NRXN1: variants seen among roughly 807,000 people sequenced by gnomAD.
The protein encoded by NRXN1 is neurexin 1, also known as neurexin-1.
A neutral mutation model predicts 150.9 loss-of-function variants in NRXN1; 39 were observed. The observed-to-expected ratio is 0.26, with a 90% CI of 0.20 to 0.34. The LOEUF is 0.34. Ranked by LOEUF, NRXN1 falls within the 10% of genes least tolerant of loss-of-function variation. The probability of loss-of-function intolerance (pLI) is 1.00; values close to 1 mark genes in which losing one functional copy is unlikely to be tolerated. For synonymous variants in NRXN1, 924 were observed against 757.0 expected, an observed-to-expected ratio of 1.22 and a Z score of -3.62; for missense variants, 1,815 against 1,949.9, an observed-to-expected ratio of 0.93 and a Z score of 1.30.
chr2:49,920,996 T>C lies in NRXN1; in HGVS notation c.*948A>G, dbSNP rs945972641. On this transcript the variant is annotated 3_prime_UTR_variant, in exon 23 of 23. Coordinates refer to ENST00000401669, the MANE Select transcript of NRXN1 (RefSeq NM_001330078.2). The stretch of plus-strand genomic sequence containing the variant: ...TAAAAGTAATTGTGGCAATTTATAA[T>C]GGTGGCAAAAAAAAAGAAAAACCCA... 2 of 151,822 alleles carry C rather than the reference T, an allele frequency of 1.3e-5. No homozygotes were observed. The highest frequency in any genetic ancestry group is 2.4e-5 in the African/African-American group (1 of 41,146). 9.4% of individuals were successfully genotyped at this position (151,822 alleles called of 1,614,324 possible).
intron 5 of NRXN1, among the ~76,000 whole-genome samples, chr2:50,803,082 T>C (rs1344714002): frequency 1.3e-5 from 2 of 152,188 alleles, no homozygotes; most frequent in Non-Finnish European, 2.9e-5. Context: ...CTTTTTCCAG[T>C]ATTAACAGTA....
At chr2:50,563,704 T>C (rs1190052498) in intron 8 of NRXN1, among the ~76,000 whole-genome samples, 1 of 152,180 alleles carries the variant, frequency 6.6e-6, no homozygotes, top group Non-Finnish European at 1.5e-5. Flanking sequence ...ATGGACTGTT[T>C]AATTTATTGG....
intron 17 of NRXN1, among the ~76,000 whole-genome samples, chr2:50,276,228 C>T (rs2070445151): frequency 6.6e-6 from 1 of 151,918 alleles, no homozygotes; most frequent in Non-Finnish European, 1.5e-5. Flanking sequence ...GAATCCTTCA[C>T]CTTATCAAAA....
chr2:50,606,632 A>ATAATAATAAT (rs1553875310), intron 8 of NRXN1, among the ~76,000 whole-genome samples: 2 of 145,328 alleles, frequency 1.4e-5, no homozygotes, highest in Admixed American at 6.9e-5. Flanking sequence ...AATAATAATA[A>ATAATAATAAT]AATAAAACTT....
At chr2:50,253,670 CA>C in intron 17 of NRXN1, among the ~76,000 whole-genome samples, 1 of 152,114 alleles carries the variant, frequency 6.6e-6, no homozygotes, top group South Asian at 2.1e-4. Context: ...TTGAGATAAT[CA>C]CATAGTTTTT....
At chr2:49,995,780 C>CAAAAA (rs1163315598) in intron 21 of NRXN1, among the ~76,000 whole-genome samples, 1,743 of 36,288 alleles carry the variant, frequency 0.048, 154 homozygotes, top group Non-Finnish European at 0.069. Flanking sequence ...GACTCCGTCT[C>CAAAAA]AAAAAAAAAA....
chr2:50,243,605 CAT>C (rs2066232572), intron 17 of NRXN1, among the ~76,000 whole-genome samples: 1 of 151,802 alleles, frequency 6.6e-6, no homozygotes, highest in South Asian at 2.1e-4. Context: ...AAACACCAAT[CAT>C]AAATTTGGTT....
At chr2:50,709,022 C>G (rs1257087044) in intron 5 of NRXN1, among the ~76,000 whole-genome samples, 1 of 152,082 alleles carries the variant, frequency 6.6e-6, no homozygotes, top group Non-Finnish European at 1.5e-5. Flanking sequence ...CAGGGACTGT[C>G]CTCTGTTCAT....
chr2:50,050,119 A>T (rs1217969698), intron 21 of NRXN1, among the ~76,000 whole-genome samples: 1 of 150,628 alleles, frequency 6.6e-6, no homozygotes, highest in Non-Finnish European at 1.5e-5. Context: ...CCTAAAGTAA[A>T]CATTGGGCTG....
Position 49,921,116 on chromosome 2 carries a change from A to G in NRXN1, c.*828T>C, listed in dbSNP as rs1668122308. On this transcript the variant is annotated 3_prime_UTR_variant, in exon 23 of 23. Coordinates refer to ENST00000401669, the MANE Select transcript of NRXN1 (RefSeq NM_001330078.2). ...CCAAAAATGGCTGAAGAGCAGAGATATATTTTGCATTTTCTATACAACAGG... is the reference window on the plus strand; with the variant it reads ...CCAAAAATGGCTGAAGAGCAGAGATGTATTTTGCATTTTCTATACAACAGG... 6.6e-6 allele frequency: 1 copy of G among 152,638 alleles called. No homozygotes were observed. The highest frequency in any genetic ancestry group is 2.4e-5 in the African/African-American group (1 of 41,464). 9.5% of individuals were successfully genotyped at this position (152,638 alleles called of 1,614,324 possible). A position where few individuals can be genotyped will look rare whatever the true frequency, so the allele number is the denominator to read the frequency against.
chr2:50,287,665 T>G (rs1467642364), intron 17 of NRXN1, among the ~76,000 whole-genome samples: 1 of 152,148 alleles, frequency 6.6e-6, no homozygotes. Flanking sequence ...AATGGAATGG[T>G]CTGATTTCTG....
chr2:50,384,505 C>CAAAAAA (rs56052881), intron 17 of NRXN1, among the ~76,000 whole-genome samples: 4 of 55,960 alleles, frequency 7.1e-5, no homozygotes, highest in African/African-American at 1.9e-4. Context: ...GACTCCATCT[C>CAAAAAA]AAAAAAAAAA....
chr2:49,926,343 G>A lies in NRXN1; in HGVS notation c.4217-4092C>T, dbSNP rs1361146170. 2.3e-5 allele frequency: 9 copies of A among 398,418 alleles called. No homozygotes were observed. The South Asian group carries it at 8.9e-4, about 39-fold the overall frequency. 24.7% of individuals were successfully genotyped at this position (398,418 alleles called of 1,614,324 possible). On this transcript the variant is annotated intron_variant, in intron 22 of 22. Transcript: ENST00000401669. ...TCCTTCCTCTCTCTTCTAGCATTTG[G>A]TAAGATACGGTGGTCTCTAGAAGTT...
At chr2:50,827,761 A>G (rs1670672659) in intron 5 of NRXN1, among the ~76,000 whole-genome samples, 2 of 151,652 alleles carry the variant, frequency 1.3e-5, no homozygotes, top group South Asian at 4.2e-4. Context: ...GGCCTTCCGC[A>G]GTGTTTGTGT....
intron 21 of NRXN1, among the ~76,000 whole-genome samples, chr2:49,992,864 T>C (rs1467170335): frequency 6.6e-6 from 1 of 152,114 alleles, no homozygotes; most frequent in African/African-American, 2.4e-5. Flanking sequence ...TAAGATATCA[T>C]TACACGCCTA....
intron 18 of NRXN1, among the ~76,000 whole-genome samples, chr2:50,101,287 T>C (rs1700946135): frequency 6.6e-6 from 1 of 152,006 alleles, no homozygotes. Context: ...CTTTGGACCA[T>C]TGCACTCTTT....
intron 18 of NRXN1, among the ~76,000 whole-genome samples, chr2:50,173,188 T>C (rs1002875215): frequency 2.0e-5 from 3 of 152,238 alleles, no homozygotes; most frequent in Non-Finnish European, 2.9e-5. Flanking sequence ...ATCCTAAGAA[T>C]AAAATCCAAA....
chr2:50,524,617 G>C (rs769968566), intron 12 of NRXN1, among the ~76,000 whole-genome samples: 1 of 151,990 alleles, frequency 6.6e-6, no homozygotes, highest in Admixed American at 6.6e-5. Flanking sequence ...AGAATAGAAA[G>C]CATAAGAAAA....
intron 18 of NRXN1, among the ~76,000 whole-genome samples, chr2:50,172,000 T>C (rs1266320691): frequency 6.6e-6 from 1 of 152,142 alleles, no homozygotes; most frequent in Non-Finnish European, 1.5e-5. Context: ...CTCAATCCAC[T>C]CTTACACAAA....
Sources: gnomAD v4.1 joint callset for allele counts (sites outside exome capture counted in the v4.1 genomes callset) on GRCh38, gnomAD v4.1.1 for gene constraint, MANE v1.5 for transcripts, NCBI Gene and HGNC (gene_info 2026-07-23, HGNC 2026-07-21) for gene names.